TOP6BL: variants seen among roughly 807,000 people sequenced by gnomAD.
TOP6BL encodes the protein type 2 DNA topoisomerase 6 subunit B-like.
chr11:66,760,626 A>T, the TOP6BL span, among the ~76,000 whole-genome samples: 1 of 32,964 alleles, frequency 3.0e-5, no homozygotes. Context: ...CCATCTTTAC[A>T]AAAAAAAAAA....
the TOP6BL span, among the ~76,000 whole-genome samples, chr11:66,746,311 G>C: frequency 6.6e-6 from 1 of 152,034 alleles, no homozygotes; most frequent in Admixed American, 6.6e-5. Flanking sequence ...GGAGTTGGCC[G>C]GGCGCGGTGG....
chr11:66,793,561 C>G, the TOP6BL span, among the ~76,000 whole-genome samples: 1 of 148,956 alleles, frequency 6.7e-6, no homozygotes, highest in Admixed American at 6.7e-5. Flanking sequence ...TTCTCTGCCT[C>G]AGCCTCCCGA....
At chr11:66,821,700 T>C in the TOP6BL span, 3 of 1,612,826 alleles carry the variant, frequency 1.9e-6, no homozygotes, top group African/African-American at 1.3e-5. Flanking sequence ...AGCCACAGTG[T>C]AGTGCAAGGT....
chr11:66,780,694 T>C, the TOP6BL span, among the ~76,000 whole-genome samples: 2 of 152,042 alleles, frequency 1.3e-5, no homozygotes, highest in Non-Finnish European at 2.9e-5. Context: ...ATTCTTGTGC[T>C]TCAGCCTCCT....
chr11:66,750,849 G>T, the TOP6BL span, among the ~76,000 whole-genome samples: 1 of 151,400 alleles, frequency 6.6e-6, no homozygotes, highest in African/African-American at 2.4e-5. Context: ...ACAGGCATGT[G>T]CTACCATGCC....
the TOP6BL span, among the ~76,000 whole-genome samples, chr11:66,816,593 G>C: frequency 6.6e-6 from 1 of 152,234 alleles, no homozygotes; most frequent in African/African-American, 2.4e-5. Context: ...TTTTAGAGAT[G>C]CTCTGTCGTC....
At chr11:66,762,609 T>C in the TOP6BL span, among the ~76,000 whole-genome samples, 1 of 152,178 alleles carries the variant, frequency 6.6e-6, no homozygotes, top group Non-Finnish European at 1.5e-5. Flanking sequence ...TAGCTGGTAT[T>C]ACAGGTGCGC....
At chr11:66,794,112 T>TAA in the TOP6BL span, among the ~76,000 whole-genome samples, 135 of 110,490 alleles carry the variant, frequency 1.2e-3, no homozygotes, top group African/African-American at 1.5e-3. Flanking sequence ...ACCCTGTTTC[T>TAA]AAAAAAAAAA....
chr11:66,749,639 A>G, the TOP6BL span, among the ~76,000 whole-genome samples: 1 of 152,088 alleles, frequency 6.6e-6, no homozygotes, highest in Non-Finnish European at 1.5e-5. Flanking sequence ...ATCTGGGCTC[A>G]CTGCAACCTC....
chr11:66,782,916 AT>A, the TOP6BL span, among the ~76,000 whole-genome samples: 1 of 152,148 alleles, frequency 6.6e-6, no homozygotes, highest in Non-Finnish European at 1.5e-5. Flanking sequence ...CTTCCTCCTT[AT>A]CCCCACATGA....
chr11:66,744,843 CG>C, the TOP6BL span: 6 of 1,323,062 alleles, frequency 4.5e-6, no homozygotes, highest in East Asian at 3.1e-5. Flanking sequence ...GCGGCGGCGG[CG>C]GGCGGGTACC....
At chr11:66,801,118 CTTG>C in the TOP6BL span, 10 of 1,607,496 alleles carry the variant, frequency 6.2e-6, no homozygotes, top group East Asian at 6.7e-5. Flanking sequence ...GGCGTAAAGC[CTTG>C]TTGTCCCTCT....
At chr11:66,748,125 G>A in the TOP6BL span, among the ~76,000 whole-genome samples, 163 of 152,178 alleles carry the variant, frequency 1.1e-3, 1 homozygote, top group African/African-American at 3.9e-3. Context: ...CTGAATAAAG[G>A]AATTTATTGT....
At chr11:66,795,468 A>G in the TOP6BL span, among the ~76,000 whole-genome samples, 1 of 151,638 alleles carries the variant, frequency 6.6e-6, no homozygotes, top group Non-Finnish European at 1.5e-5. Flanking sequence ...CACCTGGCTA[A>G]TTTTTGTGTT....
the TOP6BL span, among the ~76,000 whole-genome samples, chr11:66,759,358 C>T: frequency 6.6e-6 from 1 of 152,000 alleles, no homozygotes; most frequent in Non-Finnish European, 1.5e-5. Context: ...TGACAAGATA[C>T]CTAGATCACT....
chr11:66,800,179 A>T, the TOP6BL span, among the ~76,000 whole-genome samples: 1 of 152,336 alleles, frequency 6.6e-6, no homozygotes, highest in African/African-American at 2.4e-5. Flanking sequence ...GGAATCTGAA[A>T]AAGTCAAACT....
the TOP6BL span, among the ~76,000 whole-genome samples, chr11:66,804,460 A>C: frequency 6.6e-6 from 1 of 152,226 alleles, no homozygotes; most frequent in Non-Finnish European, 1.5e-5. Context: ...GGACTAGAAA[A>C]GTAGTCTGGA....
chr11:66,843,470 C>T, the TOP6BL span: 96 of 1,424,952 alleles, frequency 6.7e-5, no homozygotes, highest in Non-Finnish European at 8.7e-5. Context: ...CGGCGCTGGG[C>T]GGGGATGGGC....
chr11:66,826,611 A>G, the TOP6BL span, among the ~76,000 whole-genome samples: 9 of 152,210 alleles, frequency 5.9e-5, no homozygotes, highest in Non-Finnish European at 2.9e-5. Flanking sequence ...TAAGGTATCC[A>G]TTAAAGCCCT....
Sources: gnomAD v4.1 joint callset for allele counts (sites outside exome capture counted in the v4.1 genomes callset) on GRCh38, gnomAD v4.1.1 for gene constraint, MANE v1.5 for transcripts, NCBI Gene and HGNC (gene_info 2026-07-23, HGNC 2026-07-21) for gene names.